The following INTS4 variants were observed in gnomAD, a reference collection of about 807,000 sequenced individuals.
The protein encoded by INTS4 is integrator complex subunit 4.
A neutral mutation model predicts 119.5 loss-of-function variants in INTS4; 70 were observed. That is an observed-to-expected ratio of 0.59 (90% CI 0.48 to 0.71). The LOEUF (loss-of-function observed/expected upper bound fraction) is 0.71, where lower values mean the gene tolerates loss of function less well. Ranked by LOEUF, INTS4 falls within the 30% of genes least tolerant of loss-of-function variation. The probability of loss-of-function intolerance (pLI) is 0.00; values close to 1 mark genes in which losing one functional copy is unlikely to be tolerated. For synonymous variants in INTS4, 316 were observed against 419.6 expected, an observed-to-expected ratio of 0.75 and a Z score of 3.02; for missense variants, 867 against 1,173.2, an observed-to-expected ratio of 0.74 and a Z score of 3.81.
chr11:77,883,829 T>C lies in INTS4; in HGVS notation c.2713+3A>G. On this transcript the variant is annotated splice_donor_region_variant and intron_variant, in intron 22 of 22. Coordinates refer to ENST00000534064, the MANE Select transcript of INTS4 (RefSeq NM_033547.4). Reference sequence around the variant, plus strand: ...CCTTCCCACCCTGGTCCTGACTCCTTACCTGTCCAAGCGGTGTGGGAGAGA... The same window carrying C: ...CCTTCCCACCCTGGTCCTGACTCCTCACCTGTCCAAGCGGTGTGGGAGAGA... The C allele has an allele frequency of 6.2e-7, 1 of 1,612,966 alleles. No homozygotes were observed. The highest frequency in any genetic ancestry group is 8.5e-7 in the Non-Finnish European group (1 of 1,179,482).
At chr11:77,933,214 C>T (rs188579415) in intron 10 of INTS4, among the ~76,000 whole-genome samples, 43 of 151,678 alleles carry the variant, frequency 2.8e-4, no homozygotes, top group Non-Finnish European at 5.5e-4. Flanking sequence ...CCCTCTCCAT[C>T]CCCCTCTCCC....
rs1359198057 is a variant in INTS4 at position 77,956,594 on chromosome 11, C to T, written c.798-532G>A. The stretch of plus-strand genomic sequence containing the variant: ...TGGTGACACATGTCTGCAATTCCAG[C>T]TACTCAGGAGGCTGAGGCAGGAGAA... On this transcript the variant is annotated intron_variant, in intron 7 of 22. Coordinates refer to ENST00000534064, the MANE Select transcript of INTS4 (RefSeq NM_033547.4). Among the ~76,000 whole-genome samples the T allele has an allele frequency of 3.3e-5, 5 of 151,972 alleles. No individual in the cohort carries two copies. The East Asian group carries it at 9.6e-4, about 29-fold the overall frequency.
intron 4 of INTS4, among the ~76,000 whole-genome samples, chr11:77,973,791 TC>T (rs1436207282): frequency 6.6e-6 from 1 of 152,220 alleles, no homozygotes; most frequent in Non-Finnish European, 1.5e-5. Context: ...CTGGAATAAA[TC>T]CCACTTGATT....
chr11:77,966,792 A>AT (rs902256325), intron 4 of INTS4, among the ~76,000 whole-genome samples: 2 of 151,950 alleles, frequency 1.3e-5, no homozygotes, highest in African/African-American at 2.4e-5. Context: ...AACTTTAAAG[A>AT]TTTTTTTTCT....
In INTS4 at chr11:77,938,845, T is replaced by C. The variant is rs1398058270; in HGVS notation, c.991-20A>G. Reference sequence around the variant, plus strand: ...TTTCCTCTGCAGAGGACAACAACAATTACCAATTGTAGGAGGTTCATGAAG... The same window carrying C: ...TTTCCTCTGCAGAGGACAACAACAACTACCAATTGTAGGAGGTTCATGAAG... On this transcript the variant is annotated intron_variant, in intron 9 of 22. Transcript: ENST00000534064. 1.9e-6 allele frequency: 3 copies of C among 1,571,148 alleles called. No homozygotes were observed. Among genetic ancestry groups the C allele is most frequent in the East Asian group, 4.5e-5 (2 of 44,536 alleles).
intron 8 of INTS4, among the ~76,000 whole-genome samples, chr11:77,943,842 A>G (rs1316518889): frequency 1.3e-5 from 2 of 152,256 alleles, no homozygotes; most frequent in Non-Finnish European, 2.9e-5. Context: ...AACTGGTGTA[A>G]ATAACATAAG....
intron 3 of INTS4, among the ~76,000 whole-genome samples, chr11:77,981,190 CA>C (rs35194381): frequency 0.62 from 55,411 of 88,954 alleles, 14,553 homozygotes; most frequent in African/African-American, 0.77. Flanking sequence ...AACAAACAAG[CA>C]AAAAAAAAAA....
chr11:77,924,735 C>A lies in INTS4; in HGVS notation c.1514+15G>T. The A allele has an allele frequency of 1.9e-6, 3 of 1,601,850 alleles. No individual in the cohort carries two copies. Among genetic ancestry groups the A allele is most frequent in the Non-Finnish European group, 2.6e-6 (3 of 1,170,136 alleles). The stretch of plus-strand genomic sequence containing the variant: ...TTATGGGACTCAGTGAGTAAATGGG[C>A]AAAAAAGTCATTACTTCCATATGGA... On this transcript the variant is annotated intron_variant, in intron 12 of 22. Transcript: ENST00000534064.
intron 4 of INTS4, among the ~76,000 whole-genome samples, chr11:77,971,956 T>C (rs922580370): frequency 6.6e-6 from 1 of 152,200 alleles, no homozygotes; most frequent in African/African-American, 2.4e-5. Flanking sequence ...GTGAGGTAAG[T>C]TTCCAACTTT....
chr11:77,897,055 A>G (rs72939456), intron 18 of INTS4, among the ~76,000 whole-genome samples: 19,332 of 151,938 alleles, frequency 0.13, 1,443 homozygotes, highest in Admixed American at 0.19. Context: ...CTATGAACCT[A>G]TTCTGGTGTG....
chr11:77,940,375 G>A (rs1472900788), intron 9 of INTS4, among the ~76,000 whole-genome samples: 1 of 152,122 alleles, frequency 6.6e-6, no homozygotes, highest in African/African-American at 2.4e-5. Context: ...AAGTTGCATT[G>A]AGTAATGATT....
intron 4 of INTS4, among the ~76,000 whole-genome samples, chr11:77,976,906 T>A (rs1007986050): frequency 1.3e-5 from 2 of 151,406 alleles, no homozygotes; most frequent in African/African-American, 4.9e-5. Context: ...AAGGGGAACA[T>A]CACACACCAG....
At chr11:77,908,390 G>A (rs534696043) in intron 15 of INTS4, among the ~76,000 whole-genome samples, 2 of 150,664 alleles carry the variant, frequency 1.3e-5, no homozygotes, top group South Asian at 2.1e-4. Flanking sequence ...GTACAGTGGC[G>A]TGATCTCGAC....
downstream of INTS4, among the ~76,000 whole-genome samples, chr11:77,875,556 T>A (rs1951572264): frequency 6.6e-6 from 1 of 152,226 alleles, no homozygotes; most frequent in Non-Finnish European, 1.5e-5. Context: ...ACAGAGAATG[T>A]GCTCTCTGAT....
At chr11:77,980,272 C>T (rs1306868249) in intron 3 of INTS4, among the ~76,000 whole-genome samples, 1 of 152,194 alleles carries the variant, frequency 6.6e-6, no homozygotes, top group Non-Finnish European at 1.5e-5. Context: ...ACCTAGTTAT[C>T]CTTAAAATGT....
At chr11:77,875,232 G>A (rs1207279395), downstream of INTS4, among the ~76,000 whole-genome samples, 1 of 152,094 alleles carries the variant, frequency 6.6e-6, no homozygotes, top group Non-Finnish European at 1.5e-5. Flanking sequence ...TTCCTTGCCC[G>A]GTTATGTGCC....
chr11:77,883,003 C>G (rs1211825859), intron 22 of INTS4, among the ~76,000 whole-genome samples: 1 of 152,032 alleles, frequency 6.6e-6, no homozygotes, highest in Non-Finnish European at 1.5e-5. Flanking sequence ...ACCCAGGAGG[C>G]AGACAGAGGT....
intron 10 of INTS4, among the ~76,000 whole-genome samples, chr11:77,932,121 GC>G (rs1389663326): frequency 6.6e-6 from 1 of 152,164 alleles, no homozygotes; most frequent in Non-Finnish European, 1.5e-5. Flanking sequence ...CTTCTGCACA[GC>G]AAAAGAAACT....
chr11:77,936,661 A>G (rs1465120234), intron 10 of INTS4, among the ~76,000 whole-genome samples: 1 of 152,208 alleles, frequency 6.6e-6, no homozygotes, highest in Non-Finnish European at 1.5e-5. Flanking sequence ...TGAAATATAT[A>G]CTAGGTGGGA....
Sources: allele counts gnomAD v4.1 joint callset (sites outside exome capture counted in the v4.1 genomes callset), GRCh38; gene constraint gnomAD v4.1.1; transcripts MANE v1.5; gene names NCBI Gene and HGNC (gene_info 2026-07-23, HGNC 2026-07-21).